The following RTP4 variants were observed in gnomAD, a reference collection of about 807,000 sequenced individuals.
RTP4 encodes receptor-transporting protein 4.
In RTP4, 5 loss-of-function variants were observed where a neutral mutation model predicts 6.5. The observed-to-expected ratio is 0.77, with a 90% CI of 0.40 to 1.62. The LOEUF (loss-of-function observed/expected upper bound fraction) is 1.62, where lower values mean the gene tolerates loss of function less well. RTP4 is among the 40% of genes most tolerant of loss of function. RTP4 has a pLI of 0.02. For synonymous variants in RTP4, 112 were observed against 114.8 expected (o/e 0.98, Z 0.15); for missense variants, 266 against 288.7 (o/e 0.92, Z 0.57).
intron 1 of RTP4, 61 bp from the exon 2 acceptor site, chr3:187,370,727 C>T (rs1711588346): frequency 3.9e-6 from 5 of 1,269,690 alleles, no homozygotes; most frequent in South Asian, 1.4e-5. Flanking sequence ...GGGCCAAGAC[C>T]ATTTTCCCTC....
chr3:187,368,705 G>A, intron 1 of RTP4, 109 bp downstream of exon 1: 1 of 1,028,798 alleles, frequency 9.7e-7, no homozygotes, highest in Non-Finnish European at 1.4e-6. Context: ...TGTCACCAGG[G>A]CCTCCATCCT....
rs1174840885 is a variant in RTP4, at chr3:187,371,535, G to A, written c.*162G>A. ...ATCCTCTGAAAACAGTATGAAACAT[G>A]ACCAAGTACATAATGGATTTAGTAA... On this transcript the variant is annotated 3_prime_UTR_variant, in exon 2 of 2. Coordinates refer to ENST00000259030, the MANE Select transcript of RTP4 (RefSeq NM_022147.3). 3 of 600,342 alleles carry A rather than the reference G, an allele frequency of 5.0e-6. No individual in the cohort carries two copies. The highest frequency in any genetic ancestry group is 2.1e-5 in the South Asian group (1 of 46,568). 37.2% of individuals were successfully genotyped at this position (600,342 alleles called of 1,614,324 possible).
rs552044203 is a variant in RTP4, at chr3:187,371,294, G to A, written c.662G>A (p.Arg221Gln). Residue 221 changes from arginine (R) to glutamine (Q), a missense_variant, in exon 2 of 2, where the codon CGA (arginine) becomes CAA (glutamine). By Grantham distance (43) the Arg-to-Gln change is conservative. Coordinates refer to ENST00000259030, the MANE Select transcript of RTP4 (RefSeq NM_022147.3). ...GGGTATGAGAAATTAGGGCCCAGTC[G>A]AGACCCAGATCCACTGAACATCTGT... ...GSGYEKLGPS[R>Q]DPDPLNICVF... is the part of the protein sequence containing the mutation. 186 of 1,606,542 alleles carry A rather than the reference G, an allele frequency of 1.2e-4. No homozygotes were observed. In the South Asian group the frequency reaches 1.8e-3, roughly 16 times the overall value.
chr3:187,370,210 C>T (rs1162388299), intron 1 of RTP4, among the ~76,000 whole-genome samples: 1 of 152,136 alleles, frequency 6.6e-6, no homozygotes, highest in Admixed American at 6.5e-5. Context: ...GTCTGTTTCT[C>T]CAGGTGTGAG....
rs370663484 is a variant in RTP4, at chr3:187,370,257, C to T, written c.156-531C>T. 1.7e-3 allele frequency among the ~76,000 whole-genome samples: 254 copies of T among 152,318 alleles called. 1 individual carries two copies. The highest frequency in any genetic ancestry group is 5.6e-3 in the African/African-American group (233 of 41,570). ...ACTACTCACCAGAGGCAACGTGTTA[C>T]AGCAGGTAAATGAGTTGAATTTCAG... On this transcript the variant is annotated intron_variant, in intron 1 of 1. Transcript: ENST00000259030.
At position 187,370,984 on chromosome 3, in the gene RTP4, C is replaced by A. The variant is rs370314465; in HGVS notation, c.352C>A (p.Leu118Met). Residue 118 changes from leucine to methionine, a missense_variant, in exon 2 of 2, where the codon CTG (leucine) becomes ATG (methionine). Coordinates refer to ENST00000259030, the MANE Select transcript of RTP4 (RefSeq NM_022147.3). The part of the protein sequence containing the change: ...SDSTMRILSN[L>M]VQHILKKYYG... ...TAGCACCATGAGGATTCTGAGCAAC[C>A]TGGTGCAGCATATACTGAAGAAATA... 1 of 1,614,194 alleles carries A rather than the reference C, an allele frequency of 6.2e-7. No homozygotes were observed. Among genetic ancestry groups the A allele is most frequent in the Admixed American group, 1.7e-5 (1 of 60,020 alleles).
In RTP4 at chr3:187,370,833, G is replaced by A. The variant is rs1413622380; in HGVS notation, c.201G>A (p.Val67=). ...AGCGAAGTTGGGCTTCCGCCCAAGT[G>A]CAGATTCTGTGCCACACGTACTGGG... The part of the protein sequence containing the change: ...SCQRSWASAQ[V]QILCHTYWEH... The change falls in exon 2 of 2, where the codon GTG becomes GTA. Residue 67 remains valine (V), a synonymous_variant. Coordinates refer to ENST00000259030, the MANE Select transcript of RTP4 (RefSeq NM_022147.3). 6.2e-7 allele frequency: 1 copy of A among 1,614,038 alleles called. No individual in the cohort carries two copies. Among genetic ancestry groups the A allele is most frequent in the South Asian group, 1.1e-5 (1 of 91,082 alleles).
rs1028210772 is a variant in RTP4 at position 187,371,676 on chromosome 3, T to A, written c.*303T>A. ...GGCTGAATAATGGTGTCTCCCAACA[T>A]ATGCATGACTTAATCCCCAGAACCT... On this transcript the variant is annotated 3_prime_UTR_variant, in exon 2 of 2. Transcript: ENST00000259030. The A allele has an allele frequency of 3.1e-6, 1 of 322,222 alleles. No individual in the cohort carries two copies. Among genetic ancestry groups the A allele is most frequent in the African/African-American group, 2.1e-5 (1 of 48,026 alleles). 20.0% of individuals were successfully genotyped at this position (322,222 alleles called of 1,614,324 possible). A position where few individuals can be genotyped will look rare whatever the true frequency, so the allele number is the denominator to read the frequency against.
In RTP4 at chr3:187,368,601, G is replaced by C. The variant is rs777499470; in HGVS notation, c.155+5G>C. 1.2e-5 allele frequency: 19 copies of C among 1,605,180 alleles called. No homozygotes were observed. In the South Asian group the frequency reaches 2.1e-4, roughly 18 times the overall value. On this transcript the variant is annotated splice_donor_5th_base_variant and intron_variant, in intron 1 of 1. Transcript: ENST00000259030. ...CCAACAGAGAGCATTTGGCTGGTGA[G>C]TGTGGGTTTCCCAGGCAATAGCTCT...
intron 1 of RTP4, among the ~76,000 whole-genome samples, chr3:187,369,974 G>A (rs185982528): frequency 5.3e-5 from 8 of 152,320 alleles, no homozygotes; most frequent in South Asian, 2.1e-4. Flanking sequence ...TTTCGAGATC[G>A]GAAAAGCAAC....
intron 1 of RTP4, among the ~76,000 whole-genome samples, chr3:187,370,574 G>C (rs1358670542): frequency 1.3e-5 from 2 of 152,138 alleles, no homozygotes; most frequent in African/African-American, 4.8e-5. Context: ...AGGTAGACTT[G>C]GGTGTAACAT....
At chr3:187,369,236 A>T (rs1434234984) in intron 1 of RTP4, among the ~76,000 whole-genome samples, 1 of 152,118 alleles carries the variant, frequency 6.6e-6, no homozygotes, top group Non-Finnish European at 1.5e-5. Context: ...TGACCATGTT[A>T]GGAGGGTGAG....
chr3:187,369,716 T>G (rs1268838233), intron 1 of RTP4, among the ~76,000 whole-genome samples: 1 of 151,950 alleles, frequency 6.6e-6, no homozygotes, highest in Non-Finnish European at 1.5e-5. Context: ...TATATGCTTA[T>G]TTTTAGCTGC....
At chr3:187,370,467 C>T (rs1711584737) in intron 1 of RTP4, among the ~76,000 whole-genome samples, 2 of 151,994 alleles carry the variant, frequency 1.3e-5, no homozygotes, top group Non-Finnish European at 2.9e-5. Context: ...GATACTTTAC[C>T]AAAGCTTTCT....
At chr3:187,369,186 A>G (rs557497957) in intron 1 of RTP4, among the ~76,000 whole-genome samples, 2 of 152,162 alleles carry the variant, frequency 1.3e-5, no homozygotes. Flanking sequence ...TTCCCTCTTT[A>G]ACCCCCAGCA....
chr3:187,369,205 G>A (rs748618461), intron 1 of RTP4, among the ~76,000 whole-genome samples: 1 of 152,068 alleles, frequency 6.6e-6, no homozygotes, highest in Non-Finnish European at 1.5e-5. Context: ...CAAGCCTCCA[G>A]GTTGCAGGAA....
At chr3:187,370,765 G>A in intron 1 of RTP4, 23 bp from the exon 2 acceptor site, 7 of 1,583,106 alleles carry the variant, frequency 4.4e-6, no homozygotes, top group Non-Finnish European at 6.1e-6. Flanking sequence ...AAGGCATAAT[G>A]GGTGTCTTCC....
At position 187,371,192 on chromosome 3, in the gene RTP4, C is replaced by T; in HGVS notation, c.560C>T (p.Ser187Leu). The change falls in exon 2 of 2, where the codon TCA becomes TTA. Residue 187 changes from serine to leucine, a missense_variant. Physicochemically the swap from Ser to Leu is moderately radical, Grantham distance 145. Coordinates refer to ENST00000259030, the MANE Select transcript of RTP4 (RefSeq NM_022147.3). ...LLPHLKTGNS[S>L]PGIGAVYLAN... Reference sequence around the variant, plus strand: ...CCCCACCTAAAGACTGGGAATTCCTCACCTGGAATTGGTGCTGTGTACCTC... The same window carrying T: ...CCCCACCTAAAGACTGGGAATTCCTTACCTGGAATTGGTGCTGTGTACCTC... 6.2e-7 allele frequency: 1 copy of T among 1,614,104 alleles called. No homozygotes were observed.
At position 187,371,700 on chromosome 3, in the gene RTP4, C is replaced by A; in HGVS notation, c.*327C>A. The A allele has an allele frequency of 3.8e-6, 1 of 265,480 alleles. No individual in the cohort carries two copies. The highest frequency in any genetic ancestry group is 8.0e-5 in the East Asian group (1 of 12,512). 16.4% of individuals were successfully genotyped at this position (265,480 alleles called of 1,614,324 possible). A position where few individuals can be genotyped will look rare whatever the true frequency, so the allele number is the denominator to read the frequency against. ...ATATGCATGACTTAATCCCCAGAACCTGTAAACATGTTACTTTACATGGTA... is the reference window on the plus strand; with the variant it reads ...ATATGCATGACTTAATCCCCAGAACATGTAAACATGTTACTTTACATGGTA... On this transcript the variant is annotated 3_prime_UTR_variant, in exon 2 of 2. Transcript: ENST00000259030.
Sources: allele counts gnomAD v4.1 joint callset (sites outside exome capture counted in the v4.1 genomes callset), GRCh38; gene constraint gnomAD v4.1.1; transcripts MANE v1.5; gene names NCBI Gene and HGNC (gene_info 2026-07-23, HGNC 2026-07-21).